The following MYH9 variants were observed in gnomAD, a reference collection of about 807,000 sequenced individuals.
MYH9 encodes the protein myosin heavy chain 9.
A neutral mutation model predicts 241.9 loss-of-function variants in MYH9; 29 were observed. The ratio of observed to expected loss-of-function variants is 0.12; its 90% CI spans 0.09 to 0.16. The LOEUF (loss-of-function observed/expected upper bound fraction) is 0.16, where lower values mean the gene tolerates loss of function less well. Ranked by LOEUF, MYH9 falls within the 10% of genes least tolerant of loss-of-function variation. The pLI is 1.00. For synonymous variants in MYH9, 1,047 were observed against 1,062.6 expected, an observed-to-expected ratio of 0.99 and a Z score of 0.29; for missense variants, 1,803 against 2,595.5, an observed-to-expected ratio of 0.69 and a Z score of 6.63.
chr22:36,383,711 A>G (rs2018294199), intron 1 of MYH9, among the ~76,000 whole-genome samples: 1 of 151,536 alleles, frequency 6.6e-6, no homozygotes, highest in African/African-American at 2.4e-5. Context: ...TAATCCTAAC[A>G]CTTTGGGAGG....
intron 1 of MYH9, among the ~76,000 whole-genome samples, chr22:36,354,075 T>C (rs1161334814): frequency 6.6e-6 from 1 of 152,062 alleles, no homozygotes; most frequent in Non-Finnish European, 1.5e-5. Flanking sequence ...TAATTTTTTG[T>C]ATTTTTAGTA....
intron 14 of MYH9, 58 bp from the exon 15 acceptor site, chr22:36,309,454 G>T: frequency 7.6e-7 from 1 of 1,311,290 alleles, no homozygotes; most frequent in Non-Finnish European, 1.1e-6. Flanking sequence ...TGTGCTCACA[G>T]GGTCTCCGGA....
Position 36,300,104 on chromosome 22 carries a change from C to T in MYH9, c.2976+23G>A, listed in dbSNP as rs374969043. 1.2e-6 allele frequency: 2 copies of T among 1,607,920 alleles called. No individual in the cohort carries two copies. Among genetic ancestry groups the T allele is most frequent in the Admixed American group, 1.7e-5 (1 of 60,032 alleles). On this transcript the variant is annotated intron_variant, in intron 23 of 40. Coordinates refer to ENST00000216181, the MANE Select transcript of MYH9 (RefSeq NM_002473.6). The surrounding 1 kb of genome is among the most constrained non-coding windows in gnomAD (Gnocchi z 5.0). ...ATCCACGGCGCCCCTGGAGCAGCGG[C>T]AGGCGACAGCCACGGGCCTCACCTT...
rs2016966141 is a variant in MYH9 at position 36,306,154 on chromosome 22, A to AG, written c.2038-104dup. 24 of 1,570,930 alleles carry AG rather than the reference A, an allele frequency of 1.5e-5. No individual in the cohort carries two copies. The highest frequency in any genetic ancestry group is 3.3e-4 in the Middle Eastern group (2 of 6,000). ...ACCTGACAGGGCAAGAGCCTAAGGG[A>AG]GGGGGTCGCTACAGCCCACAGGTTT... On this transcript the variant is annotated intron_variant, in intron 16 of 40. Coordinates refer to ENST00000216181, the MANE Select transcript of MYH9 (RefSeq NM_002473.6). This position sits in a 1 kb window ranked among gnomAD's most constrained non-coding sequence, Gnocchi z 4.1.
intron 3 of MYH9, among the ~76,000 whole-genome samples, chr22:36,334,333 C>T (rs188121066): frequency 1.3e-5 from 2 of 152,296 alleles, no homozygotes; most frequent in Non-Finnish European, 2.9e-5. Flanking sequence ...TGGCCCAGGG[C>T]CTGCTTCCCA....
intron 30 of MYH9, 100 bp from the exon 31 acceptor site, chr22:36,292,334 A>C: frequency 6.6e-7 from 1 of 1,512,032 alleles, no homozygotes; most frequent in Non-Finnish European, 9.1e-7. Flanking sequence ...CACACCGTGG[A>C]AGGGGCACCA....
At position 36,293,602 on chromosome 22, in the gene MYH9, G is replaced by T; in HGVS notation, c.3943-121C>A. The T allele has an allele frequency of 6.9e-7, 1 of 1,444,964 alleles. No homozygotes were observed. The highest frequency in any genetic ancestry group is 9.6e-7 in the Non-Finnish European group (1 of 1,040,222). 89.5% of individuals were successfully genotyped at this position (1,444,964 alleles called of 1,614,324 possible). ...CTGATTTAGGGGATGGCCACGTAAA[G>T]ACCTGGAGGGAGCTGGGAGGACGCA... is the stretch of plus-strand genomic sequence containing the variant. On this transcript the variant is annotated intron_variant, in intron 29 of 40. Transcript: ENST00000216181. The surrounding 1 kb of genome is among the most constrained non-coding windows in gnomAD (Gnocchi z 5.1).
At chr22:36,337,190 G>C (rs186303709) in intron 3 of MYH9, among the ~76,000 whole-genome samples, 10 of 152,308 alleles carry the variant, frequency 6.6e-5, no homozygotes, top group Non-Finnish European at 1.5e-5. Flanking sequence ...CAATGTCTGA[G>C]AATATTTTTG....
Position 36,285,390 on chromosome 22 carries a change from A to T in MYH9, c.5275-61T>A. The stretch of plus-strand genomic sequence containing the variant: ...GGGGCCCTGGCTGGAGGGCATGAGC[A>T]GGGCCAGAGGAAGGTGGCAGCAGGA... On this transcript the variant is annotated intron_variant, in intron 37 of 40. Transcript: ENST00000216181. This position sits in a 1 kb window ranked among gnomAD's most constrained non-coding sequence, Gnocchi z 7.0. 5 of 1,546,798 alleles carry T rather than the reference A, an allele frequency of 3.2e-6. No individual in the cohort carries two copies. Among genetic ancestry groups the T allele is most frequent in the Non-Finnish European group, 4.4e-6 (5 of 1,131,006 alleles).
In MYH9 at chr22:36,314,465, T is replaced by G. The variant is rs574676668; in HGVS notation, c.1381-147A>C. 6 of 1,004,554 alleles carry G rather than the reference T, an allele frequency of 6.0e-6. No homozygotes were observed. In the Admixed American group the frequency reaches 6.0e-5, roughly 10 times the overall value. 62.2% of individuals were successfully genotyped at this position (1,004,554 alleles called of 1,614,324 possible). A position where few individuals can be genotyped will look rare whatever the true frequency, so the allele number is the denominator to read the frequency against. On this transcript the variant is annotated intron_variant, in intron 12 of 40. Transcript: ENST00000216181. The stretch of plus-strand genomic sequence containing the variant: ...GCTGCCTTTAGAGCCCGGATGCTCC[T>G]GGCCTTCCCTTTATCCACCCAGCAG...
chr22:36,287,060 G>A (rs988253779), intron 34 of MYH9, among the ~76,000 whole-genome samples: 3 of 152,222 alleles, frequency 2.0e-5, no homozygotes, highest in Admixed American at 2.0e-4. Flanking sequence ...TCGTCACCGT[G>A]GACGTGAGCC....
chr22:36,331,946 A>G (rs2017427145), intron 3 of MYH9, among the ~76,000 whole-genome samples: 1 of 152,192 alleles, frequency 6.6e-6, no homozygotes, highest in African/African-American at 2.4e-5. Flanking sequence ...ACTTTCCACC[A>G]CCAGGGAGTC....
intron 4 of MYH9, 98 bp downstream of exon 4, chr22:36,327,363 G>A (rs2017352196): frequency 7.0e-7 from 1 of 1,418,998 alleles, no homozygotes; most frequent in Admixed American, 1.7e-5. Flanking sequence ...TGGGAATGGG[G>A]GACTCTGCAA....
At chr22:36,309,522 C>A (rs1261111980) in intron 14 of MYH9, 126 bp from the exon 15 acceptor site, 2 of 722,624 alleles carry the variant, frequency 2.8e-6, no homozygotes, top group Non-Finnish European at 2.5e-6. Context: ...TTTGATCCAG[C>A]ATTTCCACCC....
chr22:36,300,932 G>T lies in MYH9; in HGVS notation c.2757C>A (p.Asp919Glu). 6.2e-7 allele frequency: 1 copy of T among 1,609,876 alleles called. No homozygotes were observed. Residue 919 changes from aspartate to glutamate, a missense_variant, in exon 22 of 41, where the codon GAC (aspartate) becomes GAA (glutamate). Asp to Glu is a conservative substitution (Grantham distance 45). Coordinates refer to ENST00000216181, the MANE Select transcript of MYH9 (RefSeq NM_002473.6). The surrounding 1 kb of genome is among the most constrained non-coding windows in gnomAD (Gnocchi z 5.0). ...CCTCCTCCTCCACCCTGGCCTCTAG[G>T]TCATGGCAGATCTCTTCTAATTCCT... ...KKQELEEICH[D>E]LEARVEEEEE...
chr22:36,373,311 G>A (rs1012264833), intron 1 of MYH9, among the ~76,000 whole-genome samples: 15 of 152,134 alleles, frequency 9.9e-5, no homozygotes, highest in Admixed American at 5.9e-4. Flanking sequence ...CAGAAGGGCC[G>A]GGGGCTATTT....
intron 2 of MYH9, among the ~76,000 whole-genome samples, chr22:36,343,364 C>A (rs1432458197): frequency 2.0e-5 from 3 of 151,664 alleles, no homozygotes; most frequent in Non-Finnish European, 2.9e-5. Context: ...AGCAAGTTTC[C>A]ATCACTACAA....
intron 1 of MYH9, chr22:36,364,714 T>C (rs2017984523): frequency 6.6e-6 from 1 of 152,238 alleles, no homozygotes; most frequent in African/African-American, 2.4e-5. Flanking sequence ...AAGCGGTCAT[T>C]ACAGTGGACT....
chr22:36,311,693 C>G (rs28636027), intron 14 of MYH9, among the ~76,000 whole-genome samples: 4,443 of 152,256 alleles, frequency 0.029, 226 homozygotes, highest in African/African-American at 0.1. Context: ...GTAACTGACC[C>G]GAAGTCAAAC....
Sources: allele counts gnomAD v4.1 joint callset (sites outside exome capture counted in the v4.1 genomes callset), GRCh38; gene constraint gnomAD v4.1.1; non-coding constraint Gnocchi (gnomAD v3.1); transcripts MANE v1.5; gene names NCBI Gene and HGNC (gene_info 2026-07-23, HGNC 2026-07-21).